CACNB2: variants seen among roughly 807,000 people sequenced by gnomAD.
The protein encoded by CACNB2 is calcium voltage-gated channel auxiliary subunit beta 2.
A neutral mutation model predicts 73.3 loss-of-function variants in CACNB2; 42 were observed. The ratio of observed to expected loss-of-function variants is 0.57; its 90% CI spans 0.45 to 0.74. CACNB2 has a LOEUF of 0.74. CACNB2 is among the 30% of genes least tolerant of loss of function. The pLI, the probability that CACNB2 is intolerant of heterozygous loss-of-function variation, is 0.00. For missense variants in CACNB2, 940 were observed against 853.0 expected (o/e 1.10, Z -1.27); for synonymous variants, 348 against 310.3 (o/e 1.12, Z -1.28).
intron 2 of CACNB2, among the ~76,000 whole-genome samples, chr10:18,168,431 C>G (rs1395175362): frequency 1.3e-5 from 2 of 152,064 alleles, no homozygotes; most frequent in African/African-American, 4.8e-5. Context: ...ACTTAAAGAG[C>G]CTTCATTCTG....
intron 2 of CACNB2, among the ~76,000 whole-genome samples, chr10:18,313,681 A>T (rs2040048252): frequency 2.6e-5 from 4 of 152,184 alleles, no homozygotes. Context: ...CAATCTATTA[A>T]GGGGAAAATA....
intron 2 of CACNB2, among the ~76,000 whole-genome samples, chr10:18,372,453 G>T (rs2042627145): frequency 6.6e-6 from 1 of 152,078 alleles, no homozygotes; most frequent in Non-Finnish European, 1.5e-5. Flanking sequence ...TGTCACCCAG[G>T]CTAGAGTGCA....
intron 2 of CACNB2, among the ~76,000 whole-genome samples, chr10:18,306,602 G>A (rs2131859484): frequency 6.6e-6 from 1 of 152,252 alleles, no homozygotes; most frequent in Admixed American, 6.5e-5. Flanking sequence ...GGGTGAAACT[G>A]GATAAAGTGT....
chr10:18,382,942 C>G (rs1487425940), intron 2 of CACNB2, among the ~76,000 whole-genome samples: 1 of 152,126 alleles, frequency 6.6e-6, no homozygotes, highest in Non-Finnish European at 1.5e-5. Flanking sequence ...ATTTCTGGTT[C>G]TAGATCTTTA....
At chr10:18,530,007 G>A (rs186571068) in intron 10 of CACNB2, among the ~76,000 whole-genome samples, 2 of 152,318 alleles carry the variant, frequency 1.3e-5, no homozygotes, top group Admixed American at 6.5e-5. Flanking sequence ...GCAGGCAAGA[G>A]AGAGCATGTG....
At chr10:18,286,309 G>C (rs531192485) in intron 2 of CACNB2, among the ~76,000 whole-genome samples, 1 of 151,962 alleles carries the variant, frequency 6.6e-6, no homozygotes, top group Non-Finnish European at 1.5e-5. Flanking sequence ...GAGGTCAGGA[G>C]ATCCAGACCA....
chr10:18,496,756 A>G (rs1589546509), intron 3 of CACNB2, among the ~76,000 whole-genome samples: 2 of 140,138 alleles, frequency 1.4e-5, no homozygotes, highest in Admixed American at 7.4e-5. Context: ...GGAGGTTGCA[A>G]TGAGCCGAGA....
intron 1 of CACNB2, among the ~76,000 whole-genome samples, chr10:18,144,743 A>G (rs1290192323): frequency 6.6e-6 from 1 of 152,248 alleles, no homozygotes; most frequent in Non-Finnish European, 1.5e-5. Flanking sequence ...ACATGTTGCA[A>G]TGACCATGTT....
chr10:18,285,128 T>C (rs1449854148), intron 2 of CACNB2, among the ~76,000 whole-genome samples: 1 of 152,146 alleles, frequency 6.6e-6, no homozygotes, highest in African/African-American at 2.4e-5. Flanking sequence ...ATGTGGCACA[T>C]CTGGTCTCCA....
chr10:18,511,639 A>G (rs905857182), intron 6 of CACNB2, among the ~76,000 whole-genome samples: 10 of 152,208 alleles, frequency 6.6e-5, no homozygotes, highest in African/African-American at 2.4e-4. Context: ...GCTTTCCTGC[A>G]GTGAGTAAAT....
chr10:18,329,987 C>T (rs755437934), intron 2 of CACNB2, among the ~76,000 whole-genome samples: 1 of 151,902 alleles, frequency 6.6e-6, no homozygotes, highest in Non-Finnish European at 1.5e-5. Context: ...ATTACAGGCA[C>T]GCACCACCCT....
At chr10:18,229,069 A>G (rs2036126999) in intron 2 of CACNB2, among the ~76,000 whole-genome samples, 1 of 152,178 alleles carries the variant, frequency 6.6e-6, no homozygotes, top group African/African-American at 2.4e-5. Context: ...TGCAGTTCTA[A>G]AAAGCATTGT....
intron 2 of CACNB2, among the ~76,000 whole-genome samples, chr10:18,205,242 T>C (rs116325755): frequency 0.011 from 1,611 of 152,330 alleles, 24 homozygotes; most frequent in African/African-American, 0.034. Flanking sequence ...CTCTGCACTA[T>C]TGGGAAGGTT....
chr10:18,352,136 A>T (rs751212705), intron 2 of CACNB2, among the ~76,000 whole-genome samples: 10 of 152,208 alleles, frequency 6.6e-5, no homozygotes, highest in Non-Finnish European at 1.3e-4. Flanking sequence ...ACATTTTTGC[A>T]TCCAAGCCAG....
intron 2 of CACNB2, among the ~76,000 whole-genome samples, chr10:18,277,436 A>T (rs1044540231): frequency 1.3e-5 from 2 of 152,226 alleles, no homozygotes; most frequent in African/African-American, 4.8e-5. Flanking sequence ...CCTTGTGGGG[A>T]CTTCAGTGAT....
intron 3 of CACNB2, among the ~76,000 whole-genome samples, chr10:18,405,303 A>G (rs952505395): frequency 1.3e-5 from 2 of 152,172 alleles, no homozygotes; most frequent in Non-Finnish European, 2.9e-5. Context: ...TAGAACCACT[A>G]TTCAACTTTT....
In CACNB2 at chr10:18,208,851, G is replaced by A. The variant is rs148862619; in HGVS notation, c.213+57876G>A. On this transcript the variant is annotated intron_variant, in intron 2 of 13. Coordinates refer to ENST00000324631, the MANE Select transcript of CACNB2 (RefSeq NM_201596.3). Reference sequence around the variant, plus strand: ...TTAGAGAGAGAAAGCCCCTGAACACGTATTAATTCTAAAGAATTCTAAGGA... The same window carrying A: ...TTAGAGAGAGAAAGCCCCTGAACACATATTAATTCTAAAGAATTCTAAGGA... Among the ~76,000 whole-genome samples the A allele has an allele frequency of 3.9e-3, 593 of 152,176 alleles. 7 individuals carry two copies. The highest frequency in any genetic ancestry group is 4.6e-3 in the Non-Finnish European group (312 of 68,018).
chr10:18,449,073 A>G (rs1360778820), intron 3 of CACNB2, among the ~76,000 whole-genome samples: 1 of 152,140 alleles, frequency 6.6e-6, no homozygotes, highest in Non-Finnish European at 1.5e-5. Context: ...CAGAGCCCCT[A>G]CCAAATTCCT....
intron 3 of CACNB2, among the ~76,000 whole-genome samples, chr10:18,408,038 A>G (rs914672092): frequency 3.3e-5 from 5 of 152,114 alleles, no homozygotes; most frequent in Non-Finnish European, 7.4e-5. Flanking sequence ...AGAAGCAGCA[A>G]AAGCATGCAA....
Sources: gnomAD v4.1 joint callset for allele counts (sites outside exome capture counted in the v4.1 genomes callset) on GRCh38, gnomAD v4.1.1 for gene constraint, MANE v1.5 for transcripts, NCBI Gene and HGNC (gene_info 2026-07-23, HGNC 2026-07-21) for gene names.